Variants in VTI1A observed in about 807,000 individuals in gnomAD.
VTI1A encodes vesicle transport through interaction with t-SNAREs homolog 1A.
In VTI1A, 22 loss-of-function variants were observed where a neutral mutation model predicts 34.9. The ratio of observed to expected loss-of-function variants is 0.63; its 90% CI spans 0.45 to 0.90. The LOEUF is 0.90. Among genes scored for constraint, VTI1A ranks in the 40% least tolerant of loss-of-function variants. The probability of loss-of-function intolerance (pLI) is 0.00; values close to 1 mark genes in which losing one functional copy is unlikely to be tolerated. For synonymous variants in VTI1A, 87 were observed against 97.3 expected (o/e 0.89, Z 0.62); for missense variants, 268 against 275.6 (o/e 0.97, Z 0.20).
At chr10:112,748,186 C>A (rs1850971896) in intron 7 of VTI1A, among the ~76,000 whole-genome samples, 1 of 152,150 alleles carries the variant, frequency 6.6e-6, no homozygotes, top group African/African-American at 2.4e-5. Flanking sequence ...AGGGCAACAT[C>A]ACCCACCCAG....
In VTI1A at chr10:112,804,616, G is replaced by C. The variant is rs79496243; in HGVS notation, c.561-10674G>C. On this transcript the variant is annotated intron_variant, in intron 7 of 7. Transcript: ENST00000393077. ...AGGTAAATACCAGATTATGGGCACA[G>C]AACACATTGTCCCGGCCCTGGCATT... Among the ~76,000 whole-genome samples the C allele has an allele frequency of 6.8e-3, 1,032 of 152,272 alleles. 5 individuals carry two copies. The highest frequency in any genetic ancestry group is 0.011 in the Non-Finnish European group (774 of 68,022).
intron 7 of VTI1A, among the ~76,000 whole-genome samples, chr10:112,772,724 A>G (rs1350808906): frequency 6.6e-6 from 1 of 152,182 alleles, no homozygotes; most frequent in Non-Finnish European, 1.5e-5. Context: ...ATATGCTGTG[A>G]GGTAAGGTTC....
chr10:112,592,165 A>T (rs1270166527), intron 5 of VTI1A, among the ~76,000 whole-genome samples: 1 of 152,184 alleles, frequency 6.6e-6, no homozygotes, highest in Non-Finnish European at 1.5e-5. Context: ...AAATGGATAC[A>T]TCCCCACAAC....
intron 5 of VTI1A, among the ~76,000 whole-genome samples, chr10:112,667,657 C>T (rs2133833816): frequency 6.6e-6 from 1 of 152,310 alleles, no homozygotes; most frequent in Non-Finnish European, 1.5e-5. Flanking sequence ...CAAGTACCTA[C>T]AGCCACTGGT....
intron 3 of VTI1A, among the ~76,000 whole-genome samples, chr10:112,517,754 A>G (rs1849839027): frequency 1.3e-5 from 2 of 152,242 alleles, no homozygotes; most frequent in African/African-American, 2.4e-5. Flanking sequence ...TAATTGAGGC[A>G]CATTTTACAA....
intron 3 of VTI1A, among the ~76,000 whole-genome samples, chr10:112,504,569 A>G (rs959876285): frequency 6.6e-6 from 1 of 152,154 alleles, no homozygotes; most frequent in Non-Finnish European, 1.5e-5. Context: ...ATCCATGTGA[A>G]TTAGCTTTTG....
At chr10:112,837,037 A>G in the VTI1A span, among the ~76,000 whole-genome samples, 3 of 152,202 alleles carry the variant, frequency 2.0e-5, no homozygotes, top group East Asian at 5.8e-4. Flanking sequence ...AAATCCTGGG[A>G]AGGGGCTGGA....
At chr10:112,653,167 T>G (rs1847100853) in intron 5 of VTI1A, among the ~76,000 whole-genome samples, 1 of 152,240 alleles carries the variant, frequency 6.6e-6, no homozygotes, top group African/African-American at 2.4e-5. Context: ...GTACACCCTA[T>G]GTAAATGGAG....
At chr10:112,596,083 T>G (rs368725842) in intron 5 of VTI1A, among the ~76,000 whole-genome samples, 6 of 148,870 alleles carry the variant, frequency 4.0e-5, no homozygotes, top group Admixed American at 6.7e-5. Flanking sequence ...AACACTGCAT[T>G]TTCTCACTCA....
At chr10:112,499,549 C>T (rs879487572) in intron 3 of VTI1A, among the ~76,000 whole-genome samples, 2 of 152,180 alleles carry the variant, frequency 1.3e-5, no homozygotes, top group Non-Finnish European at 2.9e-5. Flanking sequence ...TTGCATTCTC[C>T]ACCATTTTTT....
intron 5 of VTI1A, among the ~76,000 whole-genome samples, chr10:112,546,496 G>T (rs946669600): frequency 6.6e-6 from 1 of 152,178 alleles, no homozygotes; most frequent in Admixed American, 6.5e-5. Context: ...GTGGCACTGG[G>T]ATGGTCTTTT....
At chr10:112,461,291 C>T (rs918357298) in intron 2 of VTI1A, among the ~76,000 whole-genome samples, 3 of 152,202 alleles carry the variant, frequency 2.0e-5, no homozygotes, top group African/African-American at 7.2e-5. Context: ...CAGGGGGACA[C>T]ATTATTTCCT....
At position 112,747,035 on chromosome 10, in the gene VTI1A, C is replaced by T. The variant is rs1021786782; in HGVS notation, c.561-68255C>T. Among the ~76,000 whole-genome samples the T allele has an allele frequency of 2.6e-5, 4 of 152,212 alleles. No individual in the cohort carries two copies. In the South Asian group the frequency reaches 6.2e-4, roughly 24 times the overall value. ...CAGTCACTTACCCAGCGCAGTCACA[C>T]AGCCAACAAGTGGTGGAGACCAGAT... is the stretch of plus-strand genomic sequence containing the variant. On this transcript the variant is annotated intron_variant, in intron 7 of 7. Coordinates refer to ENST00000393077, the MANE Select transcript of VTI1A (RefSeq NM_145206.4).
chr10:112,465,251 T>C (rs1847858435), intron 3 of VTI1A, among the ~76,000 whole-genome samples: 1 of 150,034 alleles, frequency 6.7e-6, no homozygotes, highest in South Asian at 2.1e-4. Context: ...GTATCTGCTT[T>C]ATAGCAAATT....
At chr10:112,736,005 T>C (rs1850438677) in intron 7 of VTI1A, among the ~76,000 whole-genome samples, 1 of 149,166 alleles carries the variant, frequency 6.7e-6, no homozygotes, top group African/African-American at 2.4e-5. Flanking sequence ...AAAATATACA[T>C]ATATTTTAAA....
chr10:112,779,651 A>T (rs529640940), intron 7 of VTI1A, among the ~76,000 whole-genome samples: 1 of 152,328 alleles, frequency 6.6e-6, no homozygotes, highest in East Asian at 1.9e-4. Flanking sequence ...CCATCTCGGT[A>T]CAAAGTTTCT....
In VTI1A at chr10:112,669,015, G is replaced by A. The variant is rs1490098620; in HGVS notation, c.560+17G>A. 6.2e-7 allele frequency: 1 copy of A among 1,610,586 alleles called. No individual in the cohort carries two copies. Among genetic ancestry groups the A allele is most frequent in the East Asian group, 2.2e-5 (1 of 44,790 alleles). ...GTTGCGAAGGTAAGAGCAAGGTAGG[G>A]ACATATCTTTCTCTCTGTGTGTTTT... On this transcript the variant is annotated intron_variant, in intron 7 of 7. Transcript: ENST00000393077.
chr10:112,718,131 T>A (rs978997427), intron 7 of VTI1A, among the ~76,000 whole-genome samples: 1 of 152,138 alleles, frequency 6.6e-6, no homozygotes, highest in South Asian at 2.1e-4. Flanking sequence ...CTTCTAGGAA[T>A]TTGCACTTCC....
intron 5 of VTI1A, among the ~76,000 whole-genome samples, chr10:112,546,036 G>GTGTGTGTATATACGTGTATACGCGTA (rs1589886367): frequency 3.7e-4 from 53 of 144,406 alleles, no homozygotes; most frequent in East Asian, 1.4e-3. Flanking sequence ...ATACGCGTAT[G>GTGTGTGTATATACGTGTATACGCGTA]TGTGTGTATA....
Sources: gnomAD v4.1 joint callset for allele counts (sites outside exome capture counted in the v4.1 genomes callset) on GRCh38, gnomAD v4.1.1 for gene constraint, MANE v1.5 for transcripts, NCBI Gene and HGNC (gene_info 2026-07-23, HGNC 2026-07-21) for gene names.